CDH6: variants seen among roughly 807,000 people sequenced by gnomAD.
CDH6 encodes cadherin-6.
A neutral mutation model predicts 78.0 loss-of-function variants in CDH6; 31 were observed. The observed-to-expected ratio is 0.40, with a 90% CI of 0.30 to 0.54. The LOEUF (loss-of-function observed/expected upper bound fraction) is 0.54. Ranked by LOEUF, CDH6 falls within the 20% of genes least tolerant of loss-of-function variation. The pLI, the probability that CDH6 is intolerant of heterozygous loss-of-function variation, is 0.56. For synonymous variants in CDH6, 376 were observed against 368.8 expected, an observed-to-expected ratio of 1.02 and a Z score of -0.23; for missense variants, 724 against 975.9, an observed-to-expected ratio of 0.74 and a Z score of 3.44.
At chr5:31,194,640 C>T (rs1056006508) in intron 1 of CDH6, among the ~76,000 whole-genome samples, 6 of 152,142 alleles carry the variant, frequency 3.9e-5, no homozygotes, top group Admixed American at 2.0e-4. Flanking sequence ...GCGCAGTTCG[C>T]TCGTGCTCCT....
At chr5:31,212,467 G>A (rs949863395) in intron 1 of CDH6, among the ~76,000 whole-genome samples, 2 of 152,088 alleles carry the variant, frequency 1.3e-5, no homozygotes, top group Admixed American at 1.3e-4. Context: ...GGCTGAAACC[G>A]TAATGTGCCA....
intron 2 of CDH6, among the ~76,000 whole-genome samples, chr5:31,272,936 G>C (rs968158152): frequency 1.2e-4 from 19 of 152,092 alleles, no homozygotes; most frequent in Non-Finnish European, 2.9e-5. Context: ...TGAAAATGTG[G>C]GTTCTATTTG....
chr5:31,299,359 C>G (rs867024747), intron 4 of CDH6, 105 bp from the exon 5 acceptor site: 1 of 829,748 alleles, frequency 1.2e-6, no homozygotes, highest in South Asian at 1.8e-5. Flanking sequence ...ATCTGCATAG[C>G]ATTTTGCATA....
At chr5:31,229,084 G>T (rs973661116) in intron 1 of CDH6, among the ~76,000 whole-genome samples, 3 of 152,174 alleles carry the variant, frequency 2.0e-5, no homozygotes, top group Non-Finnish European at 2.9e-5. Context: ...TAGCACTTGC[G>T]TGCCATTTCC....
intron 11 of CDH6, among the ~76,000 whole-genome samples, chr5:31,321,602 AATT>A (rs984066320): frequency 3.3e-5 from 5 of 152,284 alleles, no homozygotes; most frequent in Admixed American, 1.3e-4. Flanking sequence ...ACGGGTAACC[AATT>A]ATTATTATTA....
At position 31,229,280 on chromosome 5, in the gene CDH6, C is replaced by G. The variant is rs890235247; in HGVS notation, c.-129+35394C>G. Among the ~76,000 whole-genome samples, 19 of 152,224 alleles carry G rather than the reference C, an allele frequency of 1.2e-4. 1 individual carries two copies. The highest frequency in any genetic ancestry group is 5.9e-4 in the Admixed American group (9 of 15,282). ...ACTCCAAATCTGGTGCTTTACTACC[C>G]TGGCTAACAGACCTCTTGTTATCCA... On this transcript the variant is annotated intron_variant, in intron 1 of 11. Transcript: ENST00000265071.
At chr5:31,244,134 C>T (rs1028819879) in intron 1 of CDH6, among the ~76,000 whole-genome samples, 3 of 152,032 alleles carry the variant, frequency 2.0e-5, no homozygotes, top group Admixed American at 6.5e-5. Context: ...AAGTATTTGC[C>T]TATTTTTCTA....
At chr5:31,302,763 AAGAAAGAAAGAAGAAAGAG>A (rs1273777551) in intron 6 of CDH6, among the ~76,000 whole-genome samples, 2 of 127,540 alleles carry the variant, frequency 1.6e-5, no homozygotes. Context: ...GAAAGAAAGA[AAGAAAGAAAGAAGAAAGAG>A]AGAGAGAGAG....
intron 1 of CDH6, among the ~76,000 whole-genome samples, chr5:31,241,471 T>C (rs73758188): frequency 0.016 from 2,492 of 152,370 alleles, 79 homozygotes; most frequent in African/African-American, 0.056. Context: ...AGGGGTTAGC[T>C]TTTAAGGGGC....
intron 2 of CDH6, among the ~76,000 whole-genome samples, chr5:31,283,660 C>T (rs1004031436): frequency 2.0e-5 from 3 of 151,842 alleles, no homozygotes. Context: ...AATATTTACA[C>T]CATTATAAAA....
intron 1 of CDH6, among the ~76,000 whole-genome samples, chr5:31,239,701 A>G (rs1187644255): frequency 6.6e-6 from 1 of 152,200 alleles, no homozygotes; most frequent in Non-Finnish European, 1.5e-5. Context: ...AAGGGGGCGC[A>G]TGTGATGAAA....
chr5:31,200,613 C>T (rs550829897), intron 1 of CDH6, among the ~76,000 whole-genome samples: 1 of 149,688 alleles, frequency 6.7e-6, no homozygotes, highest in South Asian at 2.1e-4. Context: ...CACACCACTA[C>T]CATGCCACCA....
At position 31,318,179 on chromosome 5, in the gene CDH6, G is replaced by A. The variant is rs960636201; in HGVS notation, c.1882+255G>A. 5.0e-6 allele frequency: 3 copies of A among 594,816 alleles called. No homozygotes were observed. In the African/African-American group the frequency reaches 5.6e-5, roughly 11 times the overall value. The allele number at this position is 594,816 out of a possible 1,614,324, so 36.8% of individuals were successfully genotyped here. On this transcript the variant is annotated intron_variant, in intron 11 of 11. Transcript: ENST00000265071. The stretch of plus-strand genomic sequence containing the variant: ...CAAAGAATCTCTTGTCTATCAGACT[G>A]GGAATGAATCTCGGGGGATTTCAGG...
intron 6 of CDH6, among the ~76,000 whole-genome samples, chr5:31,302,957 AGG>A (rs1366015711): frequency 8.4e-6 from 1 of 119,604 alleles, no homozygotes; most frequent in African/African-American, 2.8e-5. Context: ...GAAAGAAAGA[AGG>A]AAAGAAAAGA....
intron 1 of CDH6, among the ~76,000 whole-genome samples, chr5:31,244,499 C>A (rs999873937): frequency 4.6e-5 from 7 of 152,122 alleles, no homozygotes; most frequent in Admixed American, 3.9e-4. Flanking sequence ...GTGTTCCCTG[C>A]AGTTGGGAGG....
At chr5:31,204,194 C>A (rs918322076) in intron 1 of CDH6, among the ~76,000 whole-genome samples, 2 of 152,174 alleles carry the variant, frequency 1.3e-5, no homozygotes, top group African/African-American at 2.4e-5. Context: ...TCTGTTACCA[C>A]ACTCCAAAAT....
intron 1 of CDH6, among the ~76,000 whole-genome samples, chr5:31,263,270 T>G: frequency 6.6e-6 from 1 of 150,680 alleles, no homozygotes; most frequent in Admixed American, 6.6e-5. Context: ...TTTTTTTTTT[T>G]TTTTTTCCAG....
At position 31,226,202 on chromosome 5, in the gene CDH6, T is replaced by C. The variant is rs116983195; in HGVS notation, c.-129+32316T>C. 1.3e-3 allele frequency among the ~76,000 whole-genome samples: 198 copies of C among 152,242 alleles called. 7 individuals are homozygous for C. In the South Asian group the frequency reaches 0.022, roughly 17 times the overall value. ...GTATGTATGTATTTTTGAGATAGCA[T>C]CTCACTCAGTCACCCAGGCTGGATT... On this transcript the variant is annotated intron_variant, in intron 1 of 11. Coordinates refer to ENST00000265071, the MANE Select transcript of CDH6 (RefSeq NM_004932.4).
chr5:31,292,168 T>C (rs1162691024), intron 2 of CDH6, among the ~76,000 whole-genome samples: 3 of 152,212 alleles, frequency 2.0e-5, no homozygotes, highest in Non-Finnish European at 2.9e-5. Flanking sequence ...TGATGGATTT[T>C]AAATTAGTTC....
Sources: gnomAD v4.1 joint callset for allele counts (sites outside exome capture counted in the v4.1 genomes callset) on GRCh38, gnomAD v4.1.1 for gene constraint, MANE v1.5 for transcripts, NCBI Gene and HGNC (gene_info 2026-07-23, HGNC 2026-07-21) for gene names.